Variants in ASIC2 observed in about 807,000 individuals in gnomAD.
ASIC2 encodes acid sensing ion channel subunit 2, also known as acid-sensing ion channel 2.
ASIC2 carries 25 observed loss-of-function variants against 57.3 expected under a neutral mutation model. That is an observed-to-expected ratio of 0.44 (90% CI 0.32 to 0.61). The LOEUF is 0.61. Ranked by LOEUF, ASIC2 falls within the 20% of genes least tolerant of loss-of-function variation. ASIC2 has a pLI of 0.06. For missense variants in ASIC2, 641 were observed against 738.1 expected (o/e 0.87, Z 1.52); for synonymous variants, 319 against 307.5 (o/e 1.04, Z -0.39).
At chr17:33,670,846 G>A (rs1304826618) in intron 1 of ASIC2, among the ~76,000 whole-genome samples, 2 of 152,156 alleles carry the variant, frequency 1.3e-5, no homozygotes, top group African/African-American at 2.4e-5. Context: ...TTTCACATTG[G>A]TATATGTAAA....
chr17:33,464,526 T>TTCTCTCTC (rs1244772935), intron 1 of ASIC2, among the ~76,000 whole-genome samples: 1 of 39,146 alleles, frequency 2.6e-5, no homozygotes, highest in African/African-American at 1.0e-4. Flanking sequence ...CTTTCTTTCT[T>TTCTCTCTC]TCTTTCTTTC....
intron 1 of ASIC2, among the ~76,000 whole-genome samples, chr17:33,229,685 C>G (rs766845771): frequency 1.7e-4 from 26 of 152,264 alleles, no homozygotes; most frequent in Admixed American, 3.3e-4. Context: ...ATGGCCGGAG[C>G]CTGGGACGCA....
At chr17:34,021,254 T>TA (rs910343960) in intron 1 of ASIC2, among the ~76,000 whole-genome samples, 1,581 of 143,214 alleles carry the variant, frequency 0.011, 21 homozygotes, top group African/African-American at 0.036. Flanking sequence ...ACAAACAAAT[T>TA]AAAAAAAAAA....
At chr17:33,055,381 T>G (rs1170905451) in intron 3 of ASIC2, among the ~76,000 whole-genome samples, 2 of 151,840 alleles carry the variant, frequency 1.3e-5, no homozygotes, top group Non-Finnish European at 2.9e-5. Context: ...TCCTCAACTG[T>G]CGCTTCTGGT....
At chr17:34,015,514 G>A (rs538287105) in intron 1 of ASIC2, among the ~76,000 whole-genome samples, 21 of 152,222 alleles carry the variant, frequency 1.4e-4, no homozygotes, top group Non-Finnish European at 2.9e-4. Flanking sequence ...CAGGGGCGAG[G>A]CTCTGCTACA....
chr17:33,633,296 C>T (rs1906234926), intron 1 of ASIC2, among the ~76,000 whole-genome samples: 1 of 152,206 alleles, frequency 6.6e-6, no homozygotes, highest in African/African-American at 2.4e-5. Context: ...TGGGGTGCAA[C>T]AAGGACCAGG....
At chr17:33,816,078 G>C (rs1447579330) in intron 1 of ASIC2, among the ~76,000 whole-genome samples, 1 of 150,550 alleles carries the variant, frequency 6.6e-6, no homozygotes, top group Non-Finnish European at 1.5e-5. Context: ...GGAACAGAGA[G>C]GAGAGGCTCT....
intron 1 of ASIC2, among the ~76,000 whole-genome samples, chr17:33,172,444 G>A (rs1352110705): frequency 1.3e-5 from 2 of 152,204 alleles, no homozygotes; most frequent in Admixed American, 6.5e-5. Context: ...TGGTGGGAAT[G>A]GCAGTGGTGT....
At chr17:33,051,848 C>T (rs2091978231) in intron 3 of ASIC2, among the ~76,000 whole-genome samples, 1 of 152,216 alleles carries the variant, frequency 6.6e-6, no homozygotes, top group Non-Finnish European at 1.5e-5. Context: ...CTGTGAAATT[C>T]ACCCAACCTT....
chr17:33,188,998 G>T (rs957922578), intron 1 of ASIC2, among the ~76,000 whole-genome samples: 1 of 152,098 alleles, frequency 6.6e-6, no homozygotes, highest in Non-Finnish European at 1.5e-5. Context: ...AAAAAAGATG[G>T]GGTGTGGGAG....
intron 1 of ASIC2, among the ~76,000 whole-genome samples, chr17:33,764,785 C>T (rs931801944): frequency 2.6e-5 from 4 of 152,158 alleles, no homozygotes; most frequent in African/African-American, 9.7e-5. Context: ...TAAGTTTCTA[C>T]ATGAACTTTG....
chr17:33,673,405 A>G (rs1248752466), intron 1 of ASIC2, among the ~76,000 whole-genome samples: 2 of 152,210 alleles, frequency 1.3e-5, no homozygotes, highest in Admixed American at 6.5e-5. Flanking sequence ...ACACTGTTTT[A>G]TCTAACAGGC....
intron 1 of ASIC2, among the ~76,000 whole-genome samples, chr17:33,620,388 C>A (rs1387783199): frequency 6.6e-6 from 1 of 152,086 alleles, no homozygotes; most frequent in Admixed American, 6.6e-5. Context: ...TTCAGCAATT[C>A]GTTTTTAAAT....
In ASIC2 at chr17:33,388,643, G is replaced by T. The variant is rs983068489; in HGVS notation, c.556-276576C>A. Among the ~76,000 whole-genome samples, 4 of 152,276 alleles carry T rather than the reference G, an allele frequency of 2.6e-5. No homozygotes were observed. The South Asian group carries it at 6.2e-4, about 24-fold the overall frequency. Reference sequence around the variant, plus strand: ...CTGACTGCATTTCTAGGAATAATTTGGTCCAGACCTGCCTCTCATGGTAAT... The same window carrying T: ...CTGACTGCATTTCTAGGAATAATTTTGTCCAGACCTGCCTCTCATGGTAAT... On this transcript the variant is annotated intron_variant, in intron 1 of 9. Transcript: ENST00000359872.
intron 2 of ASIC2, among the ~76,000 whole-genome samples, chr17:33,095,557 C>T (rs553649191): frequency 6.6e-6 from 1 of 152,342 alleles, no homozygotes; most frequent in African/African-American, 2.4e-5. Context: ...GATGTGCCAC[C>T]GAGGTGCTGA....
chr17:33,498,841 T>C lies in ASIC2; in HGVS notation c.556-386774A>G, dbSNP rs542758619. Among the ~76,000 whole-genome samples, 133 of 152,170 alleles carry C rather than the reference T, an allele frequency of 8.7e-4. 1 individual carries two copies. The highest frequency in any genetic ancestry group is 3.1e-3 in the African/African-American group (127 of 41,524). On this transcript the variant is annotated intron_variant, in intron 1 of 9. Transcript: ENST00000359872. Reference sequence around the variant, plus strand: ...GGAGAGGCTTCCAGAGAAGGTGCCGTTGGACAGGGAATGAGAGGATGTGCA... The same window carrying C: ...GGAGAGGCTTCCAGAGAAGGTGCCGCTGGACAGGGAATGAGAGGATGTGCA...
chr17:33,401,962 G>T (rs745882298), intron 1 of ASIC2, among the ~76,000 whole-genome samples: 1 of 152,198 alleles, frequency 6.6e-6, no homozygotes, highest in Non-Finnish European at 1.5e-5. Context: ...AGAAGATTGT[G>T]AAAGAATTGA....
intron 1 of ASIC2, among the ~76,000 whole-genome samples, chr17:33,757,437 C>T (rs1910641433): frequency 6.6e-6 from 1 of 152,146 alleles, no homozygotes; most frequent in Admixed American, 6.5e-5. Context: ...CAGCTTCCCT[C>T]CCTGGCTGGA....
intron 1 of ASIC2, among the ~76,000 whole-genome samples, chr17:33,816,175 G>GC (rs998296721): frequency 6.6e-6 from 1 of 151,082 alleles, no homozygotes; most frequent in Non-Finnish European, 1.5e-5. Flanking sequence ...ACTGAAGGGG[G>GC]GGCGGGTGGG....
Sources: gnomAD v4.1 joint callset for allele counts (sites outside exome capture counted in the v4.1 genomes callset) on GRCh38, gnomAD v4.1.1 for gene constraint, MANE v1.5 for transcripts, NCBI Gene and HGNC (gene_info 2026-07-23, HGNC 2026-07-21) for gene names.